GRIK3: variants seen among roughly 807,000 people sequenced by gnomAD.
GRIK3 encodes glutamate receptor ionotropic, kainate 3.
In GRIK3, 29 loss-of-function variants were observed where a neutral mutation model predicts 102.5. The ratio of observed to expected loss-of-function variants is 0.28; its 90% CI spans 0.21 to 0.39. The LOEUF is 0.39. Among genes scored for constraint, GRIK3 ranks in the 10% least tolerant of loss-of-function variants. The probability of loss-of-function intolerance (pLI) is 1.00; values close to 1 mark genes in which losing one functional copy is unlikely to be tolerated. For missense variants in GRIK3, 908 were observed against 1,252.4 expected, an observed-to-expected ratio of 0.73 and a Z score of 4.15; for synonymous variants, 511 against 504.9, an observed-to-expected ratio of 1.01 and a Z score of -0.16.
intron 2 of GRIK3, among the ~76,000 whole-genome samples, chr1:36,887,798 A>T (rs1641057857): frequency 8.5e-5 from 1 of 11,810 alleles, no homozygotes; most frequent in Non-Finnish European, 2.7e-4. Context: ...ATAGTGAGAG[A>T]GAGAGAGAGT....
chr1:37,029,952 G>A (rs991007010), intron 1 of GRIK3, among the ~76,000 whole-genome samples: 2 of 152,240 alleles, frequency 1.3e-5, no homozygotes, highest in African/African-American at 4.8e-5. Context: ...AGGCCAGGGT[G>A]CCTGGCTCAC....
intron 1 of GRIK3, among the ~76,000 whole-genome samples, chr1:36,898,846 C>CTATATA (rs1641202179): frequency 6.6e-6 from 1 of 152,036 alleles, no homozygotes; most frequent in East Asian, 1.9e-4. Context: ...GGCATAAAGA[C>CTATATA]AAACTATATA....
At chr1:36,813,977 C>T (rs1432126239) in intron 13 of GRIK3, among the ~76,000 whole-genome samples, 3 of 152,144 alleles carry the variant, frequency 2.0e-5, no homozygotes, top group Non-Finnish European at 2.9e-5. Context: ...GTTAGTTATG[C>T]AGGGGGTGTG....
intron 1 of GRIK3, among the ~76,000 whole-genome samples, chr1:36,904,788 G>A (rs1049097741): frequency 1.3e-5 from 2 of 152,106 alleles, no homozygotes; most frequent in Non-Finnish European, 2.9e-5. Context: ...GGCAGAAGAG[G>A]CCATGGGTTT....
Position 36,796,039 on chromosome 1 carries a change from C to T in GRIK3, c.*5812G>A, listed in dbSNP as rs1183198232. 2.0e-5 allele frequency: 3 copies of T among 152,392 alleles called. No individual in the cohort carries two copies. Among genetic ancestry groups the T allele is most frequent in the Admixed American group, 6.5e-5 (1 of 15,284 alleles). 9.4% of individuals were successfully genotyped at this position (152,392 alleles called of 1,614,324 possible). On this transcript the variant is annotated 3_prime_UTR_variant, in exon 16 of 16. Coordinates refer to ENST00000373091, the MANE Select transcript of GRIK3 (RefSeq NM_000831.4). ...CCAAGACAGGATGCTCCTCATGGGG[C>T]TGGAGTCAGGCGTGCTTGGTCAGGG...
intron 9 of GRIK3, among the ~76,000 whole-genome samples, chr1:36,844,006 G>A (rs1013233230): frequency 3.3e-5 from 5 of 152,276 alleles, no homozygotes; most frequent in African/African-American, 1.2e-4. Context: ...CTTTGTCAGA[G>A]GTCCTAGGAG....
intron 1 of GRIK3, among the ~76,000 whole-genome samples, chr1:36,897,898 C>T (rs916985823): frequency 6.6e-6 from 1 of 152,126 alleles, no homozygotes; most frequent in Non-Finnish European, 1.5e-5. Flanking sequence ...ACCTACATGT[C>T]CATCAACAGA....
intron 1 of GRIK3, among the ~76,000 whole-genome samples, chr1:36,948,758 G>A (rs1005352489): frequency 6.6e-6 from 1 of 152,194 alleles, no homozygotes; most frequent in Non-Finnish European, 1.5e-5. Context: ...GTCAATGCCT[G>A]GGGGAAGGAG....
intron 1 of GRIK3, among the ~76,000 whole-genome samples, chr1:36,942,360 C>T (rs935766054): frequency 3.9e-5 from 6 of 152,222 alleles, no homozygotes; most frequent in Admixed American, 2.0e-4. Flanking sequence ...GTCAGTTCTG[C>T]GGAAACCCTT....
At chr1:36,925,209 G>A (rs1419302440) in intron 1 of GRIK3, among the ~76,000 whole-genome samples, 1 of 152,166 alleles carries the variant, frequency 6.6e-6, no homozygotes, top group Non-Finnish European at 1.5e-5. Flanking sequence ...AGCACACAGA[G>A]GCAAACTTGA....
intron 8 of GRIK3, among the ~76,000 whole-genome samples, chr1:36,851,671 A>G (rs1030610087): frequency 1.3e-5 from 2 of 152,248 alleles, no homozygotes; most frequent in Non-Finnish European, 2.9e-5. Flanking sequence ...CAGCCTGTGG[A>G]GGCTCTGTGC....
chr1:36,888,180 G>T (rs1447196125), intron 2 of GRIK3, among the ~76,000 whole-genome samples: 1 of 152,152 alleles, frequency 6.6e-6, no homozygotes, highest in Non-Finnish European at 1.5e-5. Context: ...TGTTTAAAAT[G>T]GGGCATATTC....
intron 5 of GRIK3, among the ~76,000 whole-genome samples, chr1:36,867,024 A>G (rs763009924): frequency 1.3e-5 from 2 of 152,204 alleles, no homozygotes; most frequent in Non-Finnish European, 2.9e-5. Context: ...GAATCCATCT[A>G]TGTACACCCC....
chr1:37,017,750 C>T (rs2124070072), intron 1 of GRIK3, among the ~76,000 whole-genome samples: 1 of 152,300 alleles, frequency 6.6e-6, no homozygotes, highest in African/African-American at 2.4e-5. Flanking sequence ...CTCTCTCCAA[C>T]CTCACTAGAG....
At chr1:37,031,380 C>A (rs78813966) in intron 1 of GRIK3, among the ~76,000 whole-genome samples, 282 of 152,298 alleles carry the variant, frequency 1.9e-3, no homozygotes, top group African/African-American at 6.5e-3. Flanking sequence ...AAAGACAGAG[C>A]AATGCAATTC....
At chr1:36,988,747 C>T (rs889727428) in intron 1 of GRIK3, among the ~76,000 whole-genome samples, 10 of 152,190 alleles carry the variant, frequency 6.6e-5, no homozygotes, top group African/African-American at 2.4e-4. Context: ...ACATTAACTG[C>T]CTATGTTTAA....
At chr1:36,917,573 A>C (rs778857411) in intron 1 of GRIK3, among the ~76,000 whole-genome samples, 2 of 152,174 alleles carry the variant, frequency 1.3e-5, no homozygotes, top group African/African-American at 2.4e-5. Context: ...ATGATAGTGA[A>C]TAAGTCTCAC....
Position 36,885,885 on chromosome 1 carries a change from A to C in GRIK3, c.293-4994T>G, listed in dbSNP as rs72915556. 3.2e-3 allele frequency among the ~76,000 whole-genome samples: 489 copies of C among 152,344 alleles called. 3 individuals are homozygous for C. Among genetic ancestry groups the C allele is most frequent in the African/African-American group, 0.011 (453 of 41,576 alleles). ...TAACTCAATGGTTCACAGTCATTGC[A>C]GGAGTCCACAGCCTGAATGCTGTCC... On this transcript the variant is annotated intron_variant, in intron 2 of 15. Coordinates refer to ENST00000373091, the MANE Select transcript of GRIK3 (RefSeq NM_000831.4).
intron 3 of GRIK3, among the ~76,000 whole-genome samples, chr1:36,877,341 T>A (rs1011274681): frequency 6.6e-6 from 1 of 152,178 alleles, no homozygotes; most frequent in African/African-American, 2.4e-5. Flanking sequence ...TCTGGCCCCA[T>A]GTTCTCTTCC....
Sources: allele counts gnomAD v4.1 joint callset (sites outside exome capture counted in the v4.1 genomes callset), GRCh38; gene constraint gnomAD v4.1.1; transcripts MANE v1.5; gene names NCBI Gene and HGNC (gene_info 2026-07-23, HGNC 2026-07-21).